STMP1: variants seen among roughly 807,000 people sequenced by gnomAD.
The protein encoded by STMP1 is mitolamban.
Under a neutral mutation model 7.0 loss-of-function variants are expected in STMP1, and 7 were observed. The ratio of observed to expected loss-of-function variants is 1.01; its 90% CI spans 0.57 to 1.89. The LOEUF (loss-of-function observed/expected upper bound fraction) is 1.89, where lower values mean the gene tolerates loss of function less well. Among genes scored for constraint, STMP1 ranks in the 40% most tolerant of loss-of-function variants. The pLI is 0.00. For missense variants in STMP1, 45 were observed against 53.0 expected, an observed-to-expected ratio of 0.85 and a Z score of 0.47; for synonymous variants, 19 against 18.4, an observed-to-expected ratio of 1.03 and a Z score of -0.08.
At chr7:135,666,191 C>T (rs148454926) in intron 1 of STMP1, among the ~76,000 whole-genome samples, 5 of 152,156 alleles carry the variant, frequency 3.3e-5, no homozygotes, top group African/African-American at 9.7e-5. Context: ...CCTCGGTCTC[C>T]CAAAGTGCTG....
At chr7:135,663,499 G>C (rs568029266) in intron 1 of STMP1, among the ~76,000 whole-genome samples, 1 of 151,772 alleles carries the variant, frequency 6.6e-6, no homozygotes, top group South Asian at 2.1e-4. Flanking sequence ...CGCGCACCAG[G>C]ATGCTCAGCT....
intron 1 of STMP1, among the ~76,000 whole-genome samples, chr7:135,672,000 G>A (rs1436306623): frequency 6.6e-6 from 1 of 152,086 alleles, no homozygotes; most frequent in Non-Finnish European, 1.5e-5. Flanking sequence ...TTTATTTTGA[G>A]ACAGTGTCTT....
intron 1 of STMP1, among the ~76,000 whole-genome samples, chr7:135,667,490 G>A (rs1040461553): frequency 6.6e-6 from 1 of 152,248 alleles, no homozygotes; most frequent in South Asian, 2.1e-4. Flanking sequence ...GGGATTACAG[G>A]TGTGAACCAC....
chr7:135,667,282 C>G (rs992444670), intron 1 of STMP1, among the ~76,000 whole-genome samples: 1 of 152,222 alleles, frequency 6.6e-6, no homozygotes, highest in African/African-American at 2.4e-5. Flanking sequence ...GCAGTCTCGG[C>G]TCACTGCAAC....
At chr7:135,669,491 A>G (rs1795336095) in intron 1 of STMP1, among the ~76,000 whole-genome samples, 1 of 152,224 alleles carries the variant, frequency 6.6e-6, no homozygotes, top group Non-Finnish European at 1.5e-5. Flanking sequence ...CTCTAAGGGC[A>G]GAGATCATTT....
chr7:135,671,372 A>T (rs1795356210), intron 1 of STMP1, among the ~76,000 whole-genome samples: 1 of 152,216 alleles, frequency 6.6e-6, no homozygotes, highest in South Asian at 2.1e-4. Context: ...CATGTGATTG[A>T]TGGTGTTAAG....
At position 135,672,739 on chromosome 7, in the gene STMP1, T is replaced by G; in HGVS notation, c.16-14T>G. On this transcript the variant is annotated splice_polypyrimidine_tract_variant and intron_variant, in intron 1 of 2. Transcript: ENST00000507606. ...TCGGCATGCACTATAACTCTTACTGTTCTATTTTTTCAGCTTGGATTTACA... is the reference window on the plus strand; with the variant it reads ...TCGGCATGCACTATAACTCTTACTGGTCTATTTTTTCAGCTTGGATTTACA... The G allele has an allele frequency of 6.5e-7, 1 of 1,548,978 alleles. No homozygotes were observed. The highest frequency in any genetic ancestry group is 1.2e-5 in the South Asian group (1 of 83,980).
chr7:135,673,654 A>G (rs1795379053), intron 2 of STMP1, among the ~76,000 whole-genome samples: 1 of 152,136 alleles, frequency 6.6e-6, no homozygotes. Flanking sequence ...AAATACCACT[A>G]TTGGCCGGGT....
rs1260851356 is a variant in STMP1, at chr7:135,675,087, C to A, written c.*922C>A. On this transcript the variant is annotated 3_prime_UTR_variant, in exon 3 of 3. Transcript: ENST00000507606. The stretch of plus-strand genomic sequence containing the variant: ...CTTTGTAGTTGATGCTTTGTTTTTT[C>A]CTGCAGTCAGAAATTCCTTGTATTT... The A allele has an allele frequency of 6.6e-6, 1 of 151,984 alleles. No individual in the cohort carries two copies. The highest frequency in any genetic ancestry group is 6.6e-5 in the Admixed American group (1 of 15,264). The allele number at this position is 151,984 out of a possible 1,614,324, so 9.4% of individuals were successfully genotyped here.
At chr7:135,672,562 C>T (rs1795367632) in intron 1 of STMP1, among the ~76,000 whole-genome samples, 191 bp from the exon 2 acceptor site, 1 of 152,152 alleles carries the variant, frequency 6.6e-6, no homozygotes, top group Non-Finnish European at 1.5e-5. Flanking sequence ...TGTTTAGCCT[C>T]TGGAGAGGGC....
chr7:135,663,740 C>T (rs537830377), intron 1 of STMP1, among the ~76,000 whole-genome samples: 1 of 152,286 alleles, frequency 6.6e-6, no homozygotes, highest in Non-Finnish European at 1.5e-5. Context: ...CTGCAGCCTC[C>T]GCTTCCTGGG....
At chr7:135,665,279 G>T (rs1398028193) in intron 1 of STMP1, among the ~76,000 whole-genome samples, 1 of 152,174 alleles carries the variant, frequency 6.6e-6, no homozygotes, top group African/African-American at 2.4e-5. Flanking sequence ...TTCTCCTACA[G>T]TTGTGATTTG....
At position 135,674,383 on chromosome 7, in the gene STMP1, C is replaced by T. The variant is rs1175934311; in HGVS notation, c.*218C>T. 1.6e-5 allele frequency: 8 copies of T among 486,346 alleles called. No homozygotes were observed. Among genetic ancestry groups the T allele is most frequent in the Non-Finnish European group, 2.9e-5 (8 of 273,402 alleles). The allele number at this position is 486,346 out of a possible 1,614,324, so 30.1% of individuals were successfully genotyped here. A position where few individuals can be genotyped will look rare whatever the true frequency, so the allele number is the denominator to read the frequency against. ...ACTCACCTCTTCCCATAATCCCTTT[C>T]CAACTGCATGGGAGGTTCTAAGACT... is the stretch of plus-strand genomic sequence containing the variant. On this transcript the variant is annotated 3_prime_UTR_variant, in exon 3 of 3. Coordinates refer to ENST00000507606, the MANE Select transcript of STMP1 (RefSeq NM_001130929.2).
At chr7:135,669,094 AC>A (rs1286757229) in intron 1 of STMP1, among the ~76,000 whole-genome samples, 1 of 152,156 alleles carries the variant, frequency 6.6e-6, no homozygotes, top group Non-Finnish European at 1.5e-5. Context: ...TCTTTATAAA[AC>A]CATCAGATCT....
At chr7:135,672,653 C>G in intron 1 of STMP1, 100 bp from the exon 2 acceptor site, 2 of 897,622 alleles carry the variant, frequency 2.2e-6, no homozygotes, top group Non-Finnish European at 3.6e-6. Flanking sequence ...TCTAACTGTC[C>G]TAAGCTTCTT....
intron 1 of STMP1, among the ~76,000 whole-genome samples, chr7:135,666,648 T>G: frequency 7.4e-6 from 1 of 135,042 alleles, no homozygotes; most frequent in East Asian, 2.1e-4. Flanking sequence ...GGCCTTACAC[T>G]ATTACACTAT....
chr7:135,663,808 G>A (rs935317566), intron 1 of STMP1, among the ~76,000 whole-genome samples: 1 of 152,124 alleles, frequency 6.6e-6, no homozygotes, highest in African/African-American at 2.4e-5. Context: ...AGCAGGCCCA[G>A]TTAATTTTTG....
Position 135,675,156 on chromosome 7 carries a change from A to T in STMP1, c.*991A>T, listed in dbSNP as rs1795397570. ...TTGTATTGTTTTTAAATTAAAAAAA[A>T]ATTTGAATAATTAACTTTTGCCATG... On this transcript the variant is annotated 3_prime_UTR_variant, in exon 3 of 3. Coordinates refer to ENST00000507606, the MANE Select transcript of STMP1 (RefSeq NM_001130929.2). The T allele has an allele frequency of 6.6e-6, 1 of 152,176 alleles. No individual in the cohort carries two copies. The highest frequency in any genetic ancestry group is 2.4e-5 in the African/African-American group (1 of 41,452). The allele number at this position is 152,176 out of a possible 1,614,324, so 9.4% of individuals were successfully genotyped here. A position where few individuals can be genotyped will look rare whatever the true frequency, so the allele number is the denominator to read the frequency against.
intron 1 of STMP1, among the ~76,000 whole-genome samples, chr7:135,671,144 G>C (rs1795353171): frequency 6.6e-6 from 1 of 152,188 alleles, no homozygotes; most frequent in African/African-American, 2.4e-5. Context: ...ACTGGTAAAA[G>C]TAGGATTTTG....
Sources: allele counts gnomAD v4.1 joint callset (sites outside exome capture counted in the v4.1 genomes callset), GRCh38; gene constraint gnomAD v4.1.1; transcripts MANE v1.5; gene names NCBI Gene and HGNC (gene_info 2026-07-23, HGNC 2026-07-21).